The following RALGAPA1 variants were observed in gnomAD, a reference collection of about 807,000 sequenced individuals.
RALGAPA1 encodes ral GTPase-activating protein subunit alpha-1.
In RALGAPA1, 52 loss-of-function variants were observed where a neutral mutation model predicts 269.6. The observed-to-expected ratio is 0.19, with a 90% CI of 0.15 to 0.24. The LOEUF is 0.24. RALGAPA1 is among the 10% of genes least tolerant of loss of function. The probability of loss-of-function intolerance (pLI) is 1.00; values close to 1 mark genes in which losing one functional copy is unlikely to be tolerated. For missense variants in RALGAPA1, 1,917 were observed against 3,013.9 expected, an observed-to-expected ratio of 0.64 and a Z score of 8.52; for synonymous variants, 817 against 1,008.3, an observed-to-expected ratio of 0.81 and a Z score of 3.60.
chr14:35,540,134 C>T (rs1404847936), intron 41 of RALGAPA1, among the ~76,000 whole-genome samples: 1 of 151,898 alleles, frequency 6.6e-6, no homozygotes, highest in South Asian at 2.1e-4. Flanking sequence ...TTTGGAACCA[C>T]GGGTTTCAAA....
intron 17 of RALGAPA1, among the ~76,000 whole-genome samples, chr14:35,699,668 T>C (rs2067181922): frequency 6.6e-6 from 1 of 152,106 alleles, no homozygotes; most frequent in South Asian, 2.1e-4. Flanking sequence ...AAGCAACTTT[T>C]AGATTATATA....
chr14:35,653,165 C>T (rs1402130777), intron 30 of RALGAPA1, among the ~76,000 whole-genome samples: 2 of 152,064 alleles, frequency 1.3e-5, no homozygotes, highest in Non-Finnish European at 1.5e-5. Context: ...GTTATTAAAT[C>T]CTCAGTTCTC....
intron 27 of RALGAPA1, among the ~76,000 whole-genome samples, chr14:35,659,643 A>G (rs1808993432): frequency 6.6e-6 from 1 of 152,076 alleles, no homozygotes; most frequent in Admixed American, 6.5e-5. Context: ...CTACCCTGAC[A>G]TCAAAGTCAG....
At chr14:35,676,445 C>T (rs1035430492) in intron 22 of RALGAPA1, 1 of 152,082 alleles carries the variant, frequency 6.6e-6, no homozygotes, top group Non-Finnish European at 1.5e-5. Flanking sequence ...CTCCTGACCT[C>T]AGGTGATCCA....
At position 35,797,351 on chromosome 14, in the gene RALGAPA1, C is replaced by CAAAAAAA. The variant is rs530576211; in HGVS notation, c.106+11372_106+11378dup. On this transcript the variant is annotated intron_variant, in intron 1 of 41. Coordinates refer to ENST00000680220, the MANE Select transcript of RALGAPA1 (RefSeq NM_001346249.2). ...CTGGTGACAGAGCGAGACTCCGTCTCAAAAAAAAAAAAAAAAAGATGCCAA... is the reference window on the plus strand; with the variant it reads ...CTGGTGACAGAGCGAGACTCCGTCTCAAAAAAAAAAAAAAAAAAAAAAAAGATGCCAA... Among the ~76,000 whole-genome samples, 7 of 60,130 alleles carry CAAAAAAA rather than the reference C, an allele frequency of 1.2e-4. 1 individual carries two copies. The highest frequency in any genetic ancestry group is 4.6e-4 in the African/African-American group (6 of 12,990). 39.4% of individuals were successfully genotyped at this position (60,130 alleles called of 152,430 possible). A position where few individuals can be genotyped will look rare whatever the true frequency, so the allele number is the denominator to read the frequency against.
chr14:35,605,831 A>G (rs773238314), intron 35 of RALGAPA1, 122 bp from the exon 36 acceptor site: 210 of 1,141,378 alleles, frequency 1.8e-4, no homozygotes, highest in Non-Finnish European at 2.2e-4. Flanking sequence ...TAGATCTTAT[A>G]GTCTACAGAA....
In RALGAPA1 at chr14:35,761,025, A is replaced by T. The variant is rs2073651000; in HGVS notation, c.370-19T>A. 6.5e-7 allele frequency: 1 copy of T among 1,546,014 alleles called. No individual in the cohort carries two copies. On this transcript the variant is annotated intron_variant, in intron 5 of 41. Coordinates refer to ENST00000680220, the MANE Select transcript of RALGAPA1 (RefSeq NM_001346249.2). ...GCCTAATCTAAAATAAAATGAAAAT[A>T]GACAGTATTTTTATTTATAATGGAA...
intron 33 of RALGAPA1, among the ~76,000 whole-genome samples, chr14:35,632,361 T>G (rs971416800): frequency 6.6e-6 from 1 of 152,190 alleles, no homozygotes; most frequent in Non-Finnish European, 1.5e-5. Flanking sequence ...AGCATTCATT[T>G]AAATAACTCT....
chr14:35,609,928 CAAA>C (rs534206859), intron 35 of RALGAPA1, among the ~76,000 whole-genome samples: 3 of 58,874 alleles, frequency 5.1e-5, no homozygotes, highest in Admixed American at 2.0e-4. Context: ...ACCCTGTCTC[CAAA>C]AAAAAAAAAA....
At chr14:35,557,098 A>ATATGTGTGTGTG (rs1555355515) in intron 39 of RALGAPA1, among the ~76,000 whole-genome samples, 1 of 142,430 alleles carries the variant, frequency 7.0e-6, no homozygotes, top group African/African-American at 2.5e-5. Flanking sequence ...TCCAATATGT[A>ATATGTGTGTGTG]TGTGTGTGTG....
intron 21 of RALGAPA1, among the ~76,000 whole-genome samples, chr14:35,678,775 T>C (rs937550713): frequency 3.3e-5 from 5 of 152,040 alleles, no homozygotes; most frequent in African/African-American, 9.7e-5. Flanking sequence ...TTTATTAGAG[T>C]ATTATTGCAT....
intron 1 of RALGAPA1, among the ~76,000 whole-genome samples, chr14:35,796,153 T>G (rs1237424453): frequency 1.3e-5 from 2 of 152,132 alleles, no homozygotes; most frequent in African/African-American, 4.8e-5. Context: ...TTTAGCTGTA[T>G]TCCATATGTT....
intron 39 of RALGAPA1, among the ~76,000 whole-genome samples, chr14:35,560,906 C>A (rs957152723): frequency 2.6e-5 from 4 of 152,162 alleles, no homozygotes; most frequent in African/African-American, 9.7e-5. Flanking sequence ...ACCAAAACTA[C>A]CATCTTTAAA....
intron 4 of RALGAPA1, chr14:35,766,471 T>A (rs1016373342): frequency 2.0e-6 from 3 of 1,506,034 alleles, no homozygotes; most frequent in Non-Finnish European, 2.8e-6. Flanking sequence ...GCCAAAGCAA[T>A]TGAAGTATCC....
chr14:35,772,331 C>T (rs1003707529), intron 3 of RALGAPA1, among the ~76,000 whole-genome samples: 5 of 152,176 alleles, frequency 3.3e-5, no homozygotes, highest in Admixed American at 6.5e-5. Flanking sequence ...GCTGGGATTA[C>T]AAGCATGAGC....
chr14:35,648,569 G>C (rs2062611812), intron 31 of RALGAPA1, among the ~76,000 whole-genome samples: 1 of 151,998 alleles, frequency 6.6e-6, no homozygotes, highest in Non-Finnish European at 1.5e-5. Flanking sequence ...GTTCACTTCA[G>C]CTCAAGCTCC....
intron 1 of RALGAPA1, among the ~76,000 whole-genome samples, chr14:35,799,782 A>T (rs532409342): frequency 6.6e-6 from 1 of 152,274 alleles, no homozygotes; most frequent in East Asian, 1.9e-4. Flanking sequence ...CTATCCAAAC[A>T]TCTCAATTAA....
chr14:35,632,248 T>C (rs2061402818), intron 33 of RALGAPA1, among the ~76,000 whole-genome samples: 1 of 152,160 alleles, frequency 6.6e-6, no homozygotes, highest in South Asian at 2.1e-4. Flanking sequence ...AAAGAAGACA[T>C]GAAATTCTCT....
At chr14:35,567,802 A>C (rs2056832069) in intron 39 of RALGAPA1, among the ~76,000 whole-genome samples, 1 of 152,146 alleles carries the variant, frequency 6.6e-6, no homozygotes, top group Non-Finnish European at 1.5e-5. Context: ...ACAAGAGGCA[A>C]ATAGAGTTTT....
Sources: gnomAD v4.1 joint callset for allele counts (sites outside exome capture counted in the v4.1 genomes callset) on GRCh38, gnomAD v4.1.1 for gene constraint, MANE v1.5 for transcripts, NCBI Gene and HGNC (gene_info 2026-07-23, HGNC 2026-07-21) for gene names.